Variants in CD163L1 observed in about 807,000 individuals in gnomAD.
CD163L1 encodes CD163 molecule like 1, also known as scavenger receptor cysteine-rich type 1 protein M160.
CD163L1 carries 124 observed loss-of-function variants against 165.4 expected under a neutral mutation model. The ratio of observed to expected loss-of-function variants is 0.75; its 90% CI spans 0.65 to 0.87. The LOEUF is 0.87. Among genes scored for constraint, CD163L1 ranks in the 40% least tolerant of loss-of-function variants. The pLI, the probability that CD163L1 is intolerant of heterozygous loss-of-function variation, is 0.00. For missense variants in CD163L1, 1,525 were observed against 1,799.9 expected (o/e 0.85, Z 2.76); for synonymous variants, 585 against 662.2 (o/e 0.88, Z 1.79).
chr12:7,409,487 A>G (rs1300045138), intron 4 of CD163L1, among the ~76,000 whole-genome samples: 1 of 152,152 alleles, frequency 6.6e-6, no homozygotes, highest in East Asian at 1.9e-4. Context: ...ATAGGGAGTG[A>G]GCAACCTAGA....
At position 7,374,884 on chromosome 12, in the gene CD163L1, A is replaced by C; in HGVS notation, c.3041T>G (p.Val1014Gly). 2 of 1,614,210 alleles carry C rather than the reference A, an allele frequency of 1.2e-6. No homozygotes were observed. The highest frequency in any genetic ancestry group is 1.7e-6 in the Non-Finnish European group (2 of 1,180,020). Residue 1014 changes from valine to glycine, a missense_variant, in exon 12 of 20, where the codon GTA becomes GGA. Transcript: ENST00000313599. This position sits in a 1 kb window ranked among gnomAD's most constrained non-coding sequence, Gnocchi z 5.4. ...AACTGCAGACAAATATGGGTCAGAT[A>C]CATTTGCGAGGCATGGAAACAGTGG... is the stretch of plus-strand genomic sequence containing the variant. Reference protein sequence around the residue: ...TQPLFPCLANVSDPYLSAVPE... With the variant: ...TQPLFPCLANGSDPYLSAVPE...
chr12:7,346,130 A>G (rs1345871468), downstream of CD163L1, among the ~76,000 whole-genome samples: 13 of 152,116 alleles, frequency 8.5e-5, no homozygotes, highest in Admixed American at 2.6e-4. Flanking sequence ...TTAAGAAGAT[A>G]TTCAATATAG....
At position 7,374,641 on chromosome 12, in the gene CD163L1, G is replaced by A. The variant is rs1192596484; in HGVS notation, c.3210C>T (p.Ala1070=). The A allele has an allele frequency of 3.7e-6, 6 of 1,614,092 alleles. No individual in the cohort carries two copies. Among genetic ancestry groups the A allele is most frequent in the South Asian group, 2.2e-5 (2 of 91,094 alleles). The stretch of plus-strand genomic sequence containing the variant: ...AGCCCAGCTTTTGACACACCACGTG[G>A]GCATCGCTCAGGTCCCAGCCGTCAT... ...ICDDGWDLSD[A]HVVCQKLGCG... The change falls in exon 13 of 20, where the codon GCC becomes GCT. Residue 1070 remains alanine (A), a synonymous_variant. Coordinates refer to ENST00000313599, the MANE Select transcript of CD163L1 (RefSeq NM_174941.6). The surrounding 1 kb of genome is among the most constrained non-coding windows in gnomAD (Gnocchi z 5.4).
At chr12:7,440,745 G>GC (rs972603697) in intron 2 of CD163L1, among the ~76,000 whole-genome samples, 9 of 150,602 alleles carry the variant, frequency 6.0e-5, no homozygotes, top group Non-Finnish European at 1.0e-4. Flanking sequence ...TTCCACTTCA[G>GC]CCCCCCAAGT....
chr12:7,421,283 ATATATGTGTG>A (rs1948376518), intron 4 of CD163L1, among the ~76,000 whole-genome samples: 32 of 118,526 alleles, frequency 2.7e-4, no homozygotes, highest in Non-Finnish European at 4.7e-4. Context: ...GTGTGTATAT[ATATATGTGTG>A]TATATATGTA....
chr12:7,386,588 A>G (rs1387727033), intron 8 of CD163L1, among the ~76,000 whole-genome samples: 3 of 130,572 alleles, frequency 2.3e-5, no homozygotes, highest in Non-Finnish European at 4.9e-5. Context: ...CCAGCAAGCC[A>G]AATCCGTCAA....
At chr12:7,421,600 TGTAC>T (rs1449335880) in intron 4 of CD163L1, among the ~76,000 whole-genome samples, 569 of 10,726 alleles carry the variant, frequency 0.053, 3 homozygotes, top group African/African-American at 0.1. Context: ...TATACATATA[TGTAC>T]ACATATACAT....
chr12:7,367,127 T>C, intron 18 of CD163L1, 109 bp downstream of exon 18: 1 of 536,718 alleles, frequency 1.9e-6, no homozygotes, highest in Non-Finnish European at 3.3e-6. Context: ...GCGTATTTTG[T>C]ATAAGAGGCT....
rs779319847 is a variant in CD163L1 at position 7,403,826 on chromosome 12, C to T, written c.1117G>A (p.Asp373Asn). The T allele has an allele frequency of 6.2e-7, 1 of 1,613,504 alleles. No individual in the cohort carries two copies. The highest frequency in any genetic ancestry group is 1.1e-5 in the South Asian group (1 of 91,036). ...DGADLELRLA[D>N]GSNNCSGRVE... is the part of the protein sequence containing the mutation. ...CTCCCTGAACAATTGTTACTTCCATCTGCTAGTCGCAGTTCCAAATCTGCT... is the reference window on the plus strand; with the variant it reads ...CTCCCTGAACAATTGTTACTTCCATTTGCTAGTCGCAGTTCCAAATCTGCT... Residue 373 changes from aspartate to asparagine, a missense_variant, in exon 6 of 20, where the codon GAT becomes AAT. Transcript: ENST00000313599.
downstream of CD163L1, among the ~76,000 whole-genome samples, chr12:7,345,981 T>C (rs1288570425): frequency 1.3e-5 from 2 of 152,130 alleles, no homozygotes; most frequent in African/African-American, 2.4e-5. Flanking sequence ...ACATGAAGGA[T>C]CTGTGCCTAT....
chr12:7,323,246 G>A, the CD163L1 span: 1 of 1,608,804 alleles, frequency 6.2e-7, no homozygotes, highest in Non-Finnish European at 8.5e-7. Context: ...AATGATTTGT[G>A]CCAATCAGAA....
At chr12:7,435,128 T>C (rs1948698466) in intron 2 of CD163L1, among the ~76,000 whole-genome samples, 1 of 152,128 alleles carries the variant, frequency 6.6e-6, no homozygotes, top group Non-Finnish European at 1.5e-5. Flanking sequence ...ATGATTGATA[T>C]TTGCCATTTC....
intron 5 of CD163L1, 54 bp downstream of exon 5, chr12:7,406,478 A>C: frequency 1.9e-6 from 3 of 1,555,778 alleles, no homozygotes; most frequent in Non-Finnish European, 2.6e-6. Flanking sequence ...GTTTGGTCCT[A>C]GTTCTCCAAA....
At chr12:7,421,402 ATCTTC>A (rs1948386743) in intron 4 of CD163L1, among the ~76,000 whole-genome samples, 4 of 69,956 alleles carry the variant, frequency 5.7e-5, no homozygotes, top group African/African-American at 7.7e-5. Context: ...ATGTATATAT[ATCTTC>A]CAAATGTATA....
intron 4 of CD163L1, among the ~76,000 whole-genome samples, chr12:7,421,450 T>TATGTACATATATACATATATATATAC (rs1948394182): frequency 1.7e-5 from 2 of 114,464 alleles, no homozygotes; most frequent in African/African-American, 3.9e-5. Flanking sequence ...CATATACATA[T>TATGTACATATATACATATATATATAC]ATGTACATAT....
At chr12:7,421,026 T>TATATATATACGTGTATATATATAC (rs755925136) in intron 4 of CD163L1, among the ~76,000 whole-genome samples, 5 of 119,296 alleles carry the variant, frequency 4.2e-5, no homozygotes, top group African/African-American at 1.6e-4. Context: ...TATATATACA[T>TATATATATACGTGTATATATATAC]ATATATATAC....
chr12:7,375,910 G>T lies in CD163L1; in HGVS notation c.2476C>A (p.Leu826Ile). ...WRSVCDSDFS[L>I]HAANVLCREL... ...CTGCACAGCACATTGGCAGCATGAA[G>T]AGAGAAATCAGAATCACAGACAGAG... The change falls in exon 10 of 20, where the codon CTT becomes ATT. Residue 826 changes from leucine (L) to isoleucine (I), a missense_variant. Coordinates refer to ENST00000313599, the MANE Select transcript of CD163L1 (RefSeq NM_174941.6). The T allele has an allele frequency of 6.2e-7, 1 of 1,614,214 alleles. No homozygotes were observed. Among genetic ancestry groups the T allele is most frequent in the South Asian group, 1.1e-5 (1 of 91,086 alleles).
the CD163L1 span, among the ~76,000 whole-genome samples, chr12:7,340,750 G>C: frequency 6.6e-6 from 1 of 152,182 alleles, no homozygotes; most frequent in South Asian, 2.1e-4. Context: ...AGGGCAGAGA[G>C]ACCCAGGCTT....
downstream of CD163L1, among the ~76,000 whole-genome samples, chr12:7,351,037 T>G (rs1036808611): frequency 2.0e-5 from 3 of 152,176 alleles, no homozygotes; most frequent in Non-Finnish European, 2.9e-5. Context: ...TAATGACTTT[T>G]TCTTCTTATC....
Sources: allele counts gnomAD v4.1 joint callset (sites outside exome capture counted in the v4.1 genomes callset), GRCh38; gene constraint gnomAD v4.1.1; non-coding constraint Gnocchi (gnomAD v3.1); transcripts MANE v1.5; gene names NCBI Gene and HGNC (gene_info 2026-07-23, HGNC 2026-07-21).